DAB2IP: variants seen among roughly 807,000 people sequenced by gnomAD.
DAB2IP encodes the protein DAB2 interacting protein.
In DAB2IP, 28 loss-of-function variants were observed where a neutral mutation model predicts 107.2. The ratio of observed to expected loss-of-function variants is 0.26; its 90% confidence interval spans 0.19 to 0.36. The LOEUF (loss-of-function observed/expected upper bound fraction) is 0.36. Among genes scored for constraint, DAB2IP ranks in the 10% least tolerant of loss-of-function variants. The pLI, the probability that DAB2IP is intolerant of heterozygous loss-of-function variation, is 1.00. For synonymous variants in DAB2IP, 755 were observed against 706.4 expected (o/e 1.07, Z -1.09); for missense variants, 1,400 against 1,644.7 (o/e 0.85, Z 2.57).
chr9:121,698,788 C>T lies in DAB2IP; in HGVS notation c.229-537C>T, dbSNP rs996637128. 2.0e-5 allele frequency among the ~76,000 whole-genome samples: 3 copies of T among 152,190 alleles called. No homozygotes were observed. The highest frequency in any genetic ancestry group is 4.4e-5 in the Non-Finnish European group (3 of 68,026). Reference sequence around the variant, plus strand: ...CCGCTCTCATCGGTACCACCGAGGGCTGGAGAGCAGCGACCTCGCAGCGGA... The same window carrying T: ...CCGCTCTCATCGGTACCACCGAGGGTTGGAGAGCAGCGACCTCGCAGCGGA... On this transcript the variant is annotated intron_variant, in intron 2 of 15. Coordinates refer to ENST00000408936, the Ensembl canonical transcript of DAB2IP. This position sits in a 1 kb window ranked among gnomAD's most constrained non-coding sequence, Gnocchi z 4.1.
At position 121,760,703 on chromosome 9, in the gene DAB2IP, G is replaced by T. The variant is rs749995019; in HGVS notation, c.1170+264G>T. Among the ~76,000 whole-genome samples the T allele has an allele frequency of 1.3e-5, 2 of 152,134 alleles. No homozygotes were observed. Among genetic ancestry groups the T allele is most frequent in the Non-Finnish European group, 2.9e-5 (2 of 68,034 alleles). On this transcript the variant is annotated intron_variant, in intron 6 of 15. Coordinates refer to ENST00000408936, the Ensembl canonical transcript of DAB2IP. The surrounding 1 kb of genome is among the most constrained non-coding windows in gnomAD (Gnocchi z 5.9). ...TGAGGGAGTGGGCTTGGGTTGAGGT[G>T]CCTTCCACCACTGCTGCAGAGGACC...
intron 3 of DAB2IP, among the ~76,000 whole-genome samples, chr9:121,728,014 C>G (rs527865107): frequency 6.6e-6 from 1 of 152,168 alleles, no homozygotes. Context: ...TCATAAGCAC[C>G]TGTTGTCTGC....
intron 1 of DAB2IP, among the ~76,000 whole-genome samples, chr9:121,597,599 C>G (rs1477147295): frequency 6.6e-6 from 1 of 152,188 alleles, no homozygotes; most frequent in African/African-American, 2.4e-5. Flanking sequence ...CTTTGCAGCT[C>G]TCTCATCACG....
At chr9:121,670,446 G>A (rs2119115045) in intron 1 of DAB2IP, among the ~76,000 whole-genome samples, 1 of 152,300 alleles carries the variant, frequency 6.6e-6, no homozygotes, top group East Asian at 1.9e-4. Flanking sequence ...AAAGGCTCTA[G>A]GGAAAAACCC....
intron 1 of DAB2IP, among the ~76,000 whole-genome samples, chr9:121,611,907 A>G (rs1332787519): frequency 6.6e-6 from 1 of 152,224 alleles, no homozygotes; most frequent in East Asian, 1.9e-4. Context: ...ATACGTGCAA[A>G]GAAAGAACAC....
chr9:121,759,977 C>T, exon 6 of DAB2IP: 1 of 1,614,212 alleles, frequency 6.2e-7, no homozygotes, highest in Non-Finnish European at 8.5e-7. Flanking sequence ...GCGAGCTGTG[C>T]CTGGACGATG....
Position 121,634,629 on chromosome 9 carries a change from G to C in DAB2IP, c.41-44049G>C, listed in dbSNP as rs1832015542. ...GGAGTTCACTGTCAGCGCCAAAGAG[G>C]AAGTGGGGAGGCCCTCGTGGGAGTG... On this transcript the variant is annotated intron_variant, in intron 1 of 16. Coordinates refer to the DAB2IP transcript ENST00000259371. The surrounding 1 kb of genome is among the most constrained non-coding windows in gnomAD (Gnocchi z 4.7). Among the ~76,000 whole-genome samples the C allele has an allele frequency of 6.6e-6, 1 of 152,194 alleles. No individual in the cohort carries two copies. The highest frequency in any genetic ancestry group is 2.4e-5 in the African/African-American group (1 of 41,440).
intron 2 of DAB2IP, among the ~76,000 whole-genome samples, chr9:121,686,904 C>G (rs925109010): frequency 1.3e-5 from 2 of 152,248 alleles, no homozygotes; most frequent in African/African-American, 4.8e-5. Flanking sequence ...CAACATCACC[C>G]CTGACTGAAC....
Position 121,699,425 on chromosome 9 carries a change from G to T in DAB2IP, c.329G>T (p.Arg110Leu), listed in dbSNP as rs762923819. Residue 110 changes from arginine (R) to leucine (L), a missense_variant, in exon 3 of 16, where the codon CGG (arginine) becomes CTG (leucine). Transcript: ENST00000408936. This position sits in a 1 kb window ranked among gnomAD's most constrained non-coding sequence, Gnocchi z 6.2. Reference sequence around the variant, plus strand: ...TTCCGCCACATCCTGCCGGGGTTCCGGAGCGCCGCCGCCGCCGCCGCGGAC... The same window carrying T: ...TTCCGCCACATCCTGCCGGGGTTCCTGAGCGCCGCCGCCGCCGCCGCGGAC... 14 of 1,462,086 alleles carry T rather than the reference G, an allele frequency of 9.6e-6. No homozygotes were observed. The African/African-American group carries it at 2.1e-4, about 21-fold the overall frequency. The allele number at this position is 1,462,086 out of a possible 1,614,324, so 90.6% of individuals were successfully genotyped here.
intron 12 of DAB2IP, among the ~76,000 whole-genome samples, chr9:121,773,909 C>T (rs1171542479): frequency 6.6e-6 from 1 of 152,224 alleles, no homozygotes; most frequent in Non-Finnish European, 1.5e-5. Flanking sequence ...CCAAAGGCTG[C>T]AGGCAGTGTC....
chr9:121,677,528 A>G (rs1215850643), intron 1 of DAB2IP, among the ~76,000 whole-genome samples: 5 of 152,070 alleles, frequency 3.3e-5, no homozygotes, highest in Non-Finnish European at 7.4e-5. Context: ...TCTAAAACAA[A>G]CAGAAAACTT....
chr9:121,644,152 C>T (rs1832454175), intron 1 of DAB2IP, among the ~76,000 whole-genome samples: 2 of 147,118 alleles, frequency 1.4e-5, no homozygotes, highest in African/African-American at 5.1e-5. Context: ...GCCTGGGCAA[C>T]AGAGCGAGAC....
chr9:121,614,337 C>CTTTTTT (rs35959966), intron 1 of DAB2IP, among the ~76,000 whole-genome samples: 1,167 of 102,212 alleles, frequency 0.011, 2 homozygotes, highest in Non-Finnish European at 0.014. Context: ...TCTTTCTTTT[C>CTTTTTT]TTTTTTTTTT....
intron 1 of DAB2IP, among the ~76,000 whole-genome samples, chr9:121,641,416 C>T (rs867683788): frequency 1.3e-5 from 2 of 152,200 alleles, no homozygotes; most frequent in East Asian, 1.9e-4. Context: ...TCTCCTCTAA[C>T]ACCAGCTATG....
At chr9:121,655,512 C>G (rs1303829458) in intron 1 of DAB2IP, among the ~76,000 whole-genome samples, 1 of 152,192 alleles carries the variant, frequency 6.6e-6, no homozygotes, top group East Asian at 1.9e-4. Flanking sequence ...CCTTGCCAAG[C>G]CCCCAGTCTG....
chr9:121,769,411 G>T (rs1042331338), intron 10 of DAB2IP, among the ~76,000 whole-genome samples: 3 of 152,156 alleles, frequency 2.0e-5, no homozygotes, highest in Admixed American at 6.6e-5. Flanking sequence ...TCTTCAGTTT[G>T]TTTTAAAGCA....
In DAB2IP at chr9:121,760,359, G is replaced by A. The variant is rs750828423; in HGVS notation, c.1090G>A (p.Glu364Lys). 2 of 1,612,214 alleles carry A rather than the reference G, an allele frequency of 1.2e-6. No individual in the cohort carries two copies. Among genetic ancestry groups the A allele is most frequent in the Non-Finnish European group, 1.7e-6 (2 of 1,180,004 alleles). ...CTACCTGGGGCTGTGTGCAGCCCTC[G>A]AGCCCATCCTCAGTGCCAAGACCAA... Residue 364 changes from glutamate to lysine, a missense_variant, in exon 6 of 16, where the codon GAG becomes AAG. Glu to Lys is a moderately conservative substitution (Grantham distance 56, BLOSUM62 1). Transcript: ENST00000408936. The surrounding 1 kb of genome is among the most constrained non-coding windows in gnomAD (Gnocchi z 5.9).
At chr9:121,712,083 C>T (rs1830364276) in intron 3 of DAB2IP, among the ~76,000 whole-genome samples, 1 of 152,208 alleles carries the variant, frequency 6.6e-6, no homozygotes, top group South Asian at 2.1e-4. Flanking sequence ...TTTGCCGGAG[C>T]TCTTCCAGGG....
chr9:121,691,753 C>T (rs73664510), intron 2 of DAB2IP, among the ~76,000 whole-genome samples: 9,216 of 152,090 alleles, frequency 0.061, 641 homozygotes, highest in African/African-American at 0.16. Flanking sequence ...CACCTTCTTC[C>T]GGAGGAAGGA....
Sources: gnomAD v4.1 joint callset for allele counts (sites outside exome capture counted in the v4.1 genomes callset) on GRCh38, gnomAD v4.1.1 for gene constraint, Gnocchi (gnomAD v3.1) non-coding constraint, MANE v1.5 for transcripts, NCBI Gene and HGNC (gene_info 2026-07-23, HGNC 2026-07-21) for gene names.